PTPRA: variants seen among roughly 807,000 people sequenced by gnomAD.
The protein encoded by PTPRA is receptor-type tyrosine-protein phosphatase alpha.
Under a neutral mutation model 104.8 loss-of-function variants are expected in PTPRA, and 25 were observed. The observed-to-expected ratio is 0.24, with a 90% CI of 0.17 to 0.33. The LOEUF is 0.33. Ranked by LOEUF, PTPRA falls within the 10% of genes least tolerant of loss-of-function variation. The pLI is 1.00. For missense variants in PTPRA, 765 were observed against 1,015.3 expected (o/e 0.75, Z 3.35); for synonymous variants, 323 against 368.9 (o/e 0.88, Z 1.43).
At chr20:2,977,228 A>C (rs546102510) in intron 6 of PTPRA, among the ~76,000 whole-genome samples, 1 of 151,146 alleles carries the variant, frequency 6.6e-6, no homozygotes, top group African/African-American at 2.4e-5. Context: ...GTGAGCCAAG[A>C]TCGCGCTCTT....
chr20:2,918,218 A>G lies in PTPRA; in HGVS notation c.-128-4989A>G, dbSNP rs151117929. On this transcript the variant is annotated intron_variant, in intron 1 of 23. Transcript: ENST00000399903. ...TTCCTTCTTTTTTTTAAAACGAGAC[A>G]GGGTGACCAGGCTAAACTCTGACTG... Among the ~76,000 whole-genome samples the G allele has an allele frequency of 5.6e-3, 845 of 152,160 alleles. 8 individuals are homozygous for G. Among genetic ancestry groups the G allele is most frequent in the African/African-American group, 0.019 (781 of 41,484 alleles).
chr20:3,014,102 C>A (rs2064317639), intron 11 of PTPRA, among the ~76,000 whole-genome samples: 1 of 152,172 alleles, frequency 6.6e-6, no homozygotes, highest in Non-Finnish European at 1.5e-5. Flanking sequence ...TTCTTAAGGA[C>A]TTCTCAGTTT....
chr20:2,867,830 G>C, the PTPRA span, among the ~76,000 whole-genome samples: 1 of 152,216 alleles, frequency 6.6e-6, no homozygotes, highest in African/African-American at 2.4e-5. Flanking sequence ...GGCCTGAGAA[G>C]GTATTTCTTT....
chr20:2,969,317 G>A (rs1392266428), intron 5 of PTPRA, among the ~76,000 whole-genome samples: 2 of 151,230 alleles, frequency 1.3e-5, no homozygotes, highest in Non-Finnish European at 2.9e-5. Context: ...GCGCAGTCTC[G>A]GCATACTGCA....
intron 2 of PTPRA, among the ~76,000 whole-genome samples, chr20:2,944,053 T>TTTA (rs1555804620): frequency 1.1e-4 from 17 of 150,686 alleles, no homozygotes; most frequent in Admixed American, 9.2e-4. Context: ...TTTTTTTTTT[T>TTTA]TTTTTTAGAC....
intron 3 of PTPRA, 141 bp from the exon 4 acceptor site, chr20:2,964,131 A>G: frequency 1.5e-6 from 1 of 673,338 alleles, no homozygotes; most frequent in Non-Finnish European, 2.6e-6. Flanking sequence ...CTGAGGAAGC[A>G]TGCATATCAG....
At position 3,027,786 on chromosome 20, in the gene PTPRA, G is replaced by T; in HGVS notation, c.1865G>T (p.Trp622Leu). Residue 622 changes from tryptophan (W) to leucine (L), a missense_variant, in exon 20 of 24, where the codon TGG (tryptophan) becomes TTG (leucine). This residue lies in a region of PTPRA where 192 missense variants were observed against 227.0 expected (regional missense o/e 0.85). Coordinates refer to ENST00000399903, the MANE Select transcript of PTPRA (RefSeq NM_001385305.1). ...ATTGAGGACTTCTGGCGAATGATCT[G>T]GGAGTGGAAATCCTGCTCTATCGTG... ...HTIEDFWRMI[W>L]EWKSCSIVML... 1 of 1,614,168 alleles carries T rather than the reference G, an allele frequency of 6.2e-7. No homozygotes were observed. The highest frequency in any genetic ancestry group is 2.2e-5 in the East Asian group (1 of 44,876).
chr20:2,910,600 G>GTTTTTT (rs1324636448), intron 1 of PTPRA, among the ~76,000 whole-genome samples: 1 of 64,430 alleles, frequency 1.6e-5, no homozygotes, highest in Non-Finnish European at 2.7e-5. Flanking sequence ...TTTTTTTTTT[G>GTTTTTT]TTTTTTTTAA....
chr20:2,971,508 A>G (rs1259074245), intron 5 of PTPRA, among the ~76,000 whole-genome samples: 4 of 152,200 alleles, frequency 2.6e-5, no homozygotes, highest in Non-Finnish European at 2.9e-5. Context: ...TCTCATCTGC[A>G]TATATCTTCC....
At chr20:3,033,839 G>A (rs903479430) in intron 20 of PTPRA, among the ~76,000 whole-genome samples, 2 of 149,204 alleles carry the variant, frequency 1.3e-5, no homozygotes, top group African/African-American at 4.9e-5. Context: ...GCCGGAGGTT[G>A]CAGTGAGCCA....
intron 3 of PTPRA, among the ~76,000 whole-genome samples, chr20:2,957,963 T>A (rs1481152147): frequency 6.6e-6 from 1 of 151,880 alleles, no homozygotes; most frequent in African/African-American, 2.4e-5. Context: ...TTTTTTTTTT[T>A]AAGCAGCATC....
intron 6 of PTPRA, among the ~76,000 whole-genome samples, chr20:2,976,047 A>C (rs2062418925): frequency 6.6e-6 from 1 of 152,184 alleles, no homozygotes; most frequent in South Asian, 2.1e-4. Context: ...AAGTCCCACT[A>C]AGTAGGGAGC....
At position 3,024,641 on chromosome 20, in the gene PTPRA, C is replaced by A. The variant is rs761416775; in HGVS notation, c.1614+20C>A. ...TTTAAGGTGAGTTGGAGCTGGATAACCTCCTTCAGATTGAAGGATCCTTGT... is the reference window on the plus strand; with the variant it reads ...TTTAAGGTGAGTTGGAGCTGGATAAACTCCTTCAGATTGAAGGATCCTTGT... On this transcript the variant is annotated intron_variant, in intron 17 of 23. Transcript: ENST00000399903. 1.4e-5 allele frequency: 23 copies of A among 1,613,442 alleles called. No homozygotes were observed. Among genetic ancestry groups the A allele is most frequent in the Non-Finnish European group, 1.9e-5 (23 of 1,179,500 alleles).
chr20:2,891,760 A>G (rs890655320), intron 1 of PTPRA, among the ~76,000 whole-genome samples: 8 of 152,084 alleles, frequency 5.3e-5, no homozygotes, highest in African/African-American at 1.9e-4. Flanking sequence ...CCCCCCATGG[A>G]GATCAAAATC....
At chr20:2,986,436 G>A (rs2062914680) in intron 6 of PTPRA, among the ~76,000 whole-genome samples, 2 of 152,238 alleles carry the variant, frequency 1.3e-5, no homozygotes, top group South Asian at 4.2e-4. Context: ...ACTGTTTTAG[G>A]CTCAAAGGAT....
At chr20:2,959,095 T>G (rs948884247) in intron 3 of PTPRA, among the ~76,000 whole-genome samples, 2 of 151,980 alleles carry the variant, frequency 1.3e-5, no homozygotes, top group Non-Finnish European at 2.9e-5. Flanking sequence ...ACGGATGAGG[T>G]TTTCACTGTG....
the PTPRA span, among the ~76,000 whole-genome samples, chr20:2,867,139 T>C: frequency 2.0e-5 from 3 of 152,328 alleles, no homozygotes; most frequent in East Asian, 5.8e-4. Context: ...ATAACAAATA[T>C]GTGGCAAAAC....
At chr20:3,005,328 C>T (rs1470440712) in intron 10 of PTPRA, among the ~76,000 whole-genome samples, 182 bp downstream of exon 10, 3 of 152,120 alleles carry the variant, frequency 2.0e-5, no homozygotes, top group African/African-American at 7.2e-5. Context: ...GTGGGAGAAT[C>T]TCTTGAGCCC....
chr20:2,986,671 G>T, intron 6 of PTPRA, 94 bp from the exon 7 acceptor site: 2 of 1,056,716 alleles, frequency 1.9e-6, no homozygotes, highest in South Asian at 1.3e-5. Flanking sequence ...AGGACTGAAT[G>T]AGCTCTTCCT....
Sources: allele counts gnomAD v4.1 joint callset (sites outside exome capture counted in the v4.1 genomes callset), GRCh38; gene constraint gnomAD v4.1.1; regional missense constraint gnomAD v4.1.1; transcripts MANE v1.5; gene names NCBI Gene and HGNC (gene_info 2026-07-23, HGNC 2026-07-21).